Variants in DNAH10 observed in about 807,000 individuals in gnomAD.
DNAH10 encodes axonemal beta dynein heavy chain 10.
DNAH10 carries 348 observed loss-of-function variants against 506.6 expected under a neutral mutation model. That is an observed-to-expected ratio of 0.69 (90% CI 0.63 to 0.75). The LOEUF is 0.75. Ranked by LOEUF, DNAH10 falls within the 30% of genes least tolerant of loss-of-function variation. The pLI, the probability that DNAH10 is intolerant of heterozygous loss-of-function variation, is 0.00. For synonymous variants in DNAH10, 2,059 were observed against 2,198.6 expected (o/e 0.94, Z 1.78); for missense variants, 5,179 against 5,787.1 (o/e 0.89, Z 3.41).
intron 52 of DNAH10, among the ~76,000 whole-genome samples, chr12:123,891,222 C>T (rs939415003): frequency 9.2e-5 from 14 of 152,176 alleles, no homozygotes; most frequent in African/African-American, 3.1e-4. Context: ...TGTGTGCTGT[C>T]TGTCTCTGTG....
chr12:123,810,071 T>G (rs1019669274), intron 19 of DNAH10, among the ~76,000 whole-genome samples: 1 of 152,244 alleles, frequency 6.6e-6, no homozygotes, highest in Admixed American at 6.5e-5. Flanking sequence ...CACTAGAATG[T>G]AAGATCCATG....
rs1566082633 is a variant in DNAH10, at chr12:123,908,064, G to GCTGTCTCCTCCTTGTCTCT, written c.9816-1186_9816-1185insTTGTCTCTCTGTCTCCTCC. The stretch of plus-strand genomic sequence containing the variant: ...AGCCTCCAGGTTGCTGTCTGCTCAG[G>GCTGTCTCCTCCTTGTCTCT]CTGTCTCCTCCCTGTCTCTCTGTCT... On this transcript the variant is annotated intron_variant, in intron 57 of 78. Coordinates refer to ENST00000673944, the MANE Select transcript of DNAH10 (RefSeq NM_001372106.1). 9.7e-3 allele frequency among the ~76,000 whole-genome samples: 1,337 copies of GCTGTCTCCTCCTTGTCTCT among 137,312 alleles called. 81 individuals are homozygous for GCTGTCTCCTCCTTGTCTCT. The highest frequency in any genetic ancestry group is 0.036 in the African/African-American group (1,224 of 34,060). The allele number at this position is 137,312 out of a possible 152,430, so 90.1% of individuals were successfully genotyped here.
At chr12:123,923,683 TA>T in intron 65 of DNAH10, 79 bp from the exon 66 acceptor site, 1 of 914,060 alleles carries the variant, frequency 1.1e-6, no homozygotes. Context: ...ATCTTACGTT[TA>T]AGCACAGTGT....
intron 23 of DNAH10, among the ~76,000 whole-genome samples, chr12:123,819,555 C>T (rs566623527): frequency 3.3e-5 from 5 of 152,212 alleles, no homozygotes; most frequent in Non-Finnish European, 4.4e-5. Flanking sequence ...TAAACACCAG[C>T]GACTGCCTTT....
Position 123,929,342 on chromosome 12 carries a change from A to T in DNAH10, c.12374A>T (p.Glu4125Val). 1.2e-6 allele frequency: 2 copies of T among 1,609,692 alleles called. No homozygotes were observed. Among genetic ancestry groups the T allele is most frequent in the Non-Finnish European group, 1.7e-6 (2 of 1,178,006 alleles). The change falls in exon 71 of 79, where the codon GAA becomes GTA. Residue 4125 changes from glutamate to valine, a missense_variant. Glu to Val is a moderately radical substitution (Grantham distance 121). Transcript: ENST00000673944. ...GCAACTTACTTCAAGATCTCTCACG[A>T]AATGCTGGACCAGTGCCCGCACCCT... ...MRATYFKISH[E>V]MLDQCPHPAF...
At position 123,902,998 on chromosome 12, in the gene DNAH10, G is replaced by A. The variant is rs1193893380; in HGVS notation, c.9700G>A (p.Val3234Ile). The change falls in exon 57 of 79, where the codon GTC becomes ATC. Residue 3234 changes from valine (V) to isoleucine (I), a missense_variant. Transcript: ENST00000673944. The surrounding 1 kb of genome is among the most constrained non-coding windows in gnomAD (Gnocchi z 4.5). ...CATGGAGATAGAGGAGCAGAACAAA[G>A]TCATTGCCATGGAGAAGGCCGAGGC... ...KAMEIEEQNK[V>I]IAMEKAEAET... The A allele has an allele frequency of 6.9e-6, 11 of 1,598,974 alleles. 1 individual carries two copies. Among genetic ancestry groups the A allele is most frequent in the Non-Finnish European group, 9.4e-6 (11 of 1,172,946 alleles).
chr12:123,875,368 T>C lies in DNAH10; in HGVS notation c.8076T>C (p.Ala2692=). Residue 2692 remains alanine (A), a synonymous_variant, in exon 47 of 79, where the codon GCT becomes GCC. Transcript: ENST00000673944. ...GCTTTATTGCTGCAATGGGAAAGGC[T>C]GGAGGAGGCCGCAATGAAGTTGACC... ...DLGFIAAMGK[A]GGGRNEVDPR... is the part of the protein sequence containing the mutation. 1 of 1,614,056 alleles carries C rather than the reference T, an allele frequency of 6.2e-7. No individual in the cohort carries two copies. The highest frequency in any genetic ancestry group is 1.1e-5 in the South Asian group (1 of 91,074).
chr12:123,854,683 C>T (rs758637220), intron 36 of DNAH10, among the ~76,000 whole-genome samples: 10 of 152,170 alleles, frequency 6.6e-5, no homozygotes, highest in Admixed American at 2.6e-4. Context: ...ACAGAGACTG[C>T]GATGGTTTCT....
At chr12:123,911,874 G>T (rs1954152320) in intron 59 of DNAH10, among the ~76,000 whole-genome samples, 1 of 29,358 alleles carries the variant, frequency 3.4e-5, no homozygotes, top group Non-Finnish European at 7.2e-5. Flanking sequence ...CTGTCCTTGG[G>T]GGGGGTCTGT....
chr12:123,907,953 A>G lies in DNAH10; in HGVS notation c.9816-1308A>G, dbSNP rs1953863108. On this transcript the variant is annotated intron_variant, in intron 57 of 78. Coordinates refer to ENST00000673944, the MANE Select transcript of DNAH10 (RefSeq NM_001372106.1). This position sits in a 1 kb window ranked among gnomAD's most constrained non-coding sequence, Gnocchi z 4.4. ...TGTTGCCCTGGCTTGTCCGTACACT[A>G]TGGGGCCTTCTCTCCTCTGCTGTCT... is the stretch of plus-strand genomic sequence containing the variant. Among the ~76,000 whole-genome samples, 1 of 151,776 alleles carries G rather than the reference A, an allele frequency of 6.6e-6. No homozygotes were observed. The highest frequency in any genetic ancestry group is 2.1e-4 in the South Asian group (1 of 4,810).
chr12:123,798,974 A>G (rs914966783), intron 13 of DNAH10, among the ~76,000 whole-genome samples: 8 of 149,302 alleles, frequency 5.4e-5, no homozygotes, highest in Admixed American at 3.3e-4. Context: ...GTGTGGTGGC[A>G]TGTGCCTGTA....
intron 46 of DNAH10, among the ~76,000 whole-genome samples, chr12:123,874,554 C>A (rs1325136791): frequency 1.4e-5 from 2 of 148,004 alleles, no homozygotes; most frequent in African/African-American, 5.0e-5. Context: ...TGTTCATTCA[C>A]CTGTCCATCC....
At chr12:123,878,425 T>C (rs902286663) in intron 48 of DNAH10, among the ~76,000 whole-genome samples, 6 of 152,232 alleles carry the variant, frequency 3.9e-5, no homozygotes, top group African/African-American at 1.4e-4. Context: ...ATCCAGAAGA[T>C]ACTGAAAAAT....
Position 123,916,788 on chromosome 12 carries a change from C to G in DNAH10, c.11002+52C>G. 6.5e-7 allele frequency: 1 copy of G among 1,541,278 alleles called. No individual in the cohort carries two copies. The highest frequency in any genetic ancestry group is 8.7e-7 in the Non-Finnish European group (1 of 1,147,242). Reference sequence around the variant, plus strand: ...TAATTCAGATGGTTATGAGGGAGACCGCAACCTCAGATCAAGGCATTCATG... The same window carrying G: ...TAATTCAGATGGTTATGAGGGAGACGGCAACCTCAGATCAAGGCATTCATG... On this transcript the variant is annotated intron_variant, in intron 63 of 78. Transcript: ENST00000673944. The surrounding 1 kb of genome is among the most constrained non-coding windows in gnomAD (Gnocchi z 4.6).
rs377052189 is a variant in DNAH10, at chr12:123,875,293, C to G, written c.8001C>G (p.Tyr2667Ter). Residue 2667 changes from tyrosine (Y) to a stop codon, truncating the protein, a stop_gained, in exon 47 of 79, where the codon TAC (tyrosine) becomes TAG (stop). Transcript: ENST00000673944. LOFTEE classifies it high-confidence loss of function. The stretch of plus-strand genomic sequence containing the variant: ...TGAAGCTGCTGTTGGAAAAAGGCTA[C>G]TTATATGACCGTGGGAAGGAGCTGA... ...ALLKLLLEKG[Y>*]LYDRGKELNC... is the part of the protein sequence containing the mutation. 3.7e-6 allele frequency: 6 copies of G among 1,613,126 alleles called. No homozygotes were observed. The highest frequency in any genetic ancestry group is 5.1e-6 in the Non-Finnish European group (6 of 1,179,542).
intron 5 of DNAH10, among the ~76,000 whole-genome samples, chr12:123,779,252 G>T (rs1957554182): frequency 6.6e-6 from 1 of 151,922 alleles, no homozygotes; most frequent in Admixed American, 6.6e-5. Flanking sequence ...TGTTGCCCCG[G>T]CTGTTCTCGA....
chr12:123,891,613 C>A (rs1324920329), intron 52 of DNAH10, among the ~76,000 whole-genome samples: 2 of 151,534 alleles, frequency 1.3e-5, no homozygotes, highest in African/African-American at 4.9e-5. Context: ...CAGGCAGAGC[C>A]CCGGGAGGAA....
At chr12:123,793,623 G>C (rs572482778) in intron 11 of DNAH10, among the ~76,000 whole-genome samples, 3 of 152,132 alleles carry the variant, frequency 2.0e-5, no homozygotes, top group Admixed American at 6.6e-5. Flanking sequence ...CAGGTGTGAG[G>C]CACTGCGCCT....
intron 54 of DNAH10, among the ~76,000 whole-genome samples, chr12:123,896,597 A>G (rs1953257039): frequency 6.6e-6 from 1 of 152,026 alleles, no homozygotes; most frequent in Non-Finnish European, 1.5e-5. Context: ...GGGCAGAGTT[A>G]GACGTGGTGA....
Sources: allele counts gnomAD v4.1 joint callset (sites outside exome capture counted in the v4.1 genomes callset), GRCh38; gene constraint gnomAD v4.1.1; non-coding constraint Gnocchi (gnomAD v3.1); transcripts MANE v1.5; gene names NCBI Gene and HGNC (gene_info 2026-07-23, HGNC 2026-07-21).